FREM1: variants seen among roughly 807,000 people sequenced by gnomAD.
FREM1 encodes the protein FRAS1 related extracellular matrix 1, also known as FRAS1-related extracellular matrix protein 1.
In FREM1, 220 loss-of-function variants were observed where a neutral mutation model predicts 210.1. That is an observed-to-expected ratio of 1.05 (90% CI 0.94 to 1.17). The LOEUF (loss-of-function observed/expected upper bound fraction) is 1.17. FREM1 is among the 50% of genes most tolerant of loss of function. The probability of loss-of-function intolerance (pLI) is 0.00; values close to 1 mark genes in which losing one functional copy is unlikely to be tolerated. For missense variants in FREM1, 3,454 were observed against 2,675.5 expected, an observed-to-expected ratio of 1.29 and a Z score of -6.42; for synonymous variants, 1,189 against 980.2, an observed-to-expected ratio of 1.21 and a Z score of -3.98.
chr9:14,806,881 A>G lies in FREM1; in HGVS notation c.3089-35T>C, dbSNP rs145383433. The G allele has an allele frequency of 1.6e-3, 2,245 of 1,409,082 alleles. 58 individuals are homozygous for G. In the East Asian group the frequency reaches 0.048, roughly 30 times the overall value. 87.3% of individuals were successfully genotyped at this position (1,409,082 alleles called of 1,614,324 possible). A position where few individuals can be genotyped will look rare whatever the true frequency, so the allele number is the denominator to read the frequency against. On this transcript the variant is annotated intron_variant, in intron 17 of 36. Transcript: ENST00000380880. ...AATAAAAACACAATTACAACTTAGCATGAAATCCTCTAAACAGACTGGGTA... is the reference window on the plus strand; with the variant it reads ...AATAAAAACACAATTACAACTTAGCGTGAAATCCTCTAAACAGACTGGGTA...
At chr9:14,799,954 C>G (rs1218830570) in intron 20 of FREM1, among the ~76,000 whole-genome samples, 1 of 125,370 alleles carries the variant, frequency 8.0e-6, no homozygotes, top group Non-Finnish European at 1.6e-5. Flanking sequence ...CCCCTCCCCC[C>G]ACCCCACAAC....
chr9:14,774,461 A>G (rs764519033), intron 25 of FREM1, among the ~76,000 whole-genome samples: 40 of 151,036 alleles, frequency 2.6e-4, no homozygotes, highest in African/African-American at 3.9e-4. Context: ...TATTTCGGAC[A>G]TGCCAGGCCC....
intron 24 of FREM1, among the ~76,000 whole-genome samples, chr9:14,776,484 C>T (rs1848595005): frequency 6.6e-6 from 1 of 152,192 alleles, no homozygotes; most frequent in Non-Finnish European, 1.5e-5. Flanking sequence ...TTCTCAGGCT[C>T]ATCAGTGCTT....
chr9:14,882,277 A>G (rs10961766), intron 1 of FREM1, among the ~76,000 whole-genome samples: 15,238 of 152,060 alleles, frequency 0.1, 1,365 homozygotes, highest in African/African-American at 0.24. Flanking sequence ...TATCATAGTA[A>G]ACCCTTAACT....
Position 14,842,315 on chromosome 9 carries a change from C to A in FREM1, c.1738+1G>T. 2 of 1,539,376 alleles carry A rather than the reference C, an allele frequency of 1.3e-6. No homozygotes were observed. The highest frequency in any genetic ancestry group is 1.8e-6 in the Non-Finnish European group (2 of 1,134,608). On this transcript the variant is annotated splice_donor_variant, in intron 9 of 36. Coordinates refer to ENST00000380880, the MANE Select transcript of FREM1 (RefSeq NM_001379081.2). LOFTEE classifies it high-confidence loss of function. ...AATGATCTTAACTGCCCAGAACTTA[C>A]CTATCAGTCCTGGCCCTGGCTTCTT...
chr9:14,777,136 T>C (rs568383805), intron 24 of FREM1, among the ~76,000 whole-genome samples: 1 of 152,292 alleles, frequency 6.6e-6, no homozygotes, highest in African/African-American at 2.4e-5. Flanking sequence ...ATTGCAAAAC[T>C]ATAAAAAGAA....
intron 27 of FREM1, among the ~76,000 whole-genome samples, chr9:14,765,928 T>C (rs1846313840): frequency 1.3e-5 from 2 of 152,204 alleles, no homozygotes; most frequent in South Asian, 4.1e-4. Context: ...TTGGCCACAT[T>C]CTGTGGTCCA....
At chr9:14,878,448 G>T (rs1028274108) in intron 1 of FREM1, among the ~76,000 whole-genome samples, 2 of 152,082 alleles carry the variant, frequency 1.3e-5, no homozygotes, top group Non-Finnish European at 2.9e-5. Context: ...CACTTGCAGT[G>T]TGGTCACACC....
intron 1 of FREM1, among the ~76,000 whole-genome samples, chr9:14,896,335 G>A (rs1407259432): frequency 6.6e-6 from 1 of 152,098 alleles, no homozygotes; most frequent in African/African-American, 2.4e-5. Flanking sequence ...CACGAGGTCA[G>A]GAGTTCGAGA....
chr9:14,893,418 T>C (rs2132428371), intron 1 of FREM1, among the ~76,000 whole-genome samples: 2 of 152,354 alleles, frequency 1.3e-5, no homozygotes, highest in South Asian at 4.1e-4. Flanking sequence ...TGGTCAGTTA[T>C]GTCCTTGGGA....
Position 14,819,254 on chromosome 9 carries a change from A to G in FREM1, c.2526T>C (p.Asp842=), listed in dbSNP as rs373202724. ...CTAACCTAACTTTTAAGGTATGGAGATCGCCCCAAGAAAATGTGCCCCCTG... is the reference window on the plus strand; with the variant it reads ...CTAACCTAACTTTTAAGGTATGGAGGTCGCCCCAAGAAAATGTGCCCCCTG... The part of the protein sequence containing the change: ...LNSGGTFSWG[D]LHTLKVRYQH... The change falls in exon 14 of 37, where the codon GAT becomes GAC. Residue 842 remains aspartate (D), a synonymous_variant. Coordinates refer to ENST00000380880, the MANE Select transcript of FREM1 (RefSeq NM_001379081.2). 345 of 1,612,926 alleles carry G rather than the reference A, an allele frequency of 2.1e-4. No homozygotes were observed. The highest frequency in any genetic ancestry group is 2.8e-4 in the Non-Finnish European group (331 of 1,179,242).
chr9:14,902,528 A>T (rs1838971950), intron 1 of FREM1, among the ~76,000 whole-genome samples: 1 of 152,162 alleles, frequency 6.6e-6, no homozygotes, highest in South Asian at 2.1e-4. Context: ...ATGAAGACCA[A>T]TATTTTCCAG....
At chr9:14,889,230 G>T (rs541152773) in intron 1 of FREM1, among the ~76,000 whole-genome samples, 1 of 152,146 alleles carries the variant, frequency 6.6e-6, no homozygotes, top group Non-Finnish European at 1.5e-5. Flanking sequence ...AACTTACTCT[G>T]AGGCTCTTGA....
chr9:14,742,446 A>G (rs936323355), intron 35 of FREM1, among the ~76,000 whole-genome samples: 3 of 152,196 alleles, frequency 2.0e-5, no homozygotes, highest in Non-Finnish European at 4.4e-5. Flanking sequence ...CAAGAAGTGC[A>G]TAATCTAGGA....
At chr9:14,788,650 G>A (rs1450087437) in intron 23 of FREM1, among the ~76,000 whole-genome samples, 1 of 152,086 alleles carries the variant, frequency 6.6e-6, no homozygotes, top group East Asian at 1.9e-4. Context: ...AGTTAAAGTA[G>A]CCTGTATAGC....
intron 1 of FREM1, among the ~76,000 whole-genome samples, chr9:14,878,819 T>C (rs1409264865): frequency 6.6e-6 from 1 of 152,036 alleles, no homozygotes; most frequent in Non-Finnish European, 1.5e-5. Flanking sequence ...TTATACTGAT[T>C]ATAGTTTAAC....
chr9:14,819,425 C>T lies in FREM1; in HGVS notation c.2355G>A (p.Leu785=). ...NQVPEAFTNP[L]KVTEGGQSII... The stretch of plus-strand genomic sequence containing the variant: ...TGCTTTGACCTCCCTCAGTCACTTT[C>T]AGAGGGTTGGTGAACGCCTAGAAAG... The change falls in exon 14 of 37, where the codon CTG becomes CTA. Residue 785 remains leucine, a synonymous_variant. Transcript: ENST00000380880. 6.2e-7 allele frequency: 1 copy of T among 1,612,116 alleles called. No individual in the cohort carries two copies. Among genetic ancestry groups the T allele is most frequent in the Non-Finnish European group, 8.5e-7 (1 of 1,178,576 alleles).
intron 28 of FREM1, among the ~76,000 whole-genome samples, chr9:14,757,810 G>A (rs1844709589): frequency 6.6e-6 from 1 of 152,152 alleles, no homozygotes; most frequent in East Asian, 1.9e-4. Flanking sequence ...TTGGTTAGCA[G>A]TGGAAACATT....
intron 30 of FREM1, 96 bp from the exon 31 acceptor site, chr9:14,748,735 C>T: frequency 6.3e-6 from 5 of 787,648 alleles, no homozygotes; most frequent in Non-Finnish European, 1.0e-5. Flanking sequence ...GTCATTAAAC[C>T]TAGATGGATG....
Sources: allele counts gnomAD v4.1 joint callset (sites outside exome capture counted in the v4.1 genomes callset), GRCh38; gene constraint gnomAD v4.1.1; transcripts MANE v1.5; gene names NCBI Gene and HGNC (gene_info 2026-07-23, HGNC 2026-07-21).